Variants in INPP4B observed in about 807,000 individuals in gnomAD.
INPP4B encodes inositol polyphosphate 4-phosphatase type II.
INPP4B carries 55 observed loss-of-function variants against 122.5 expected under a neutral mutation model. The ratio of observed to expected loss-of-function variants is 0.45; its 90% CI spans 0.36 to 0.56. The LOEUF (loss-of-function observed/expected upper bound fraction) is 0.56. Among genes scored for constraint, INPP4B ranks in the 20% least tolerant of loss-of-function variants. The probability of loss-of-function intolerance (pLI) is 0.00; values close to 1 mark genes in which losing one functional copy is unlikely to be tolerated. For missense variants in INPP4B, 1,000 were observed against 1,097.7 expected (o/e 0.91, Z 1.26); for synonymous variants, 403 against 388.7 (o/e 1.04, Z -0.43).
chr4:142,449,699 A>C (rs369838735), intron 3 of INPP4B, among the ~76,000 whole-genome samples: 190 of 130,076 alleles, frequency 1.5e-3, no homozygotes, highest in African/African-American at 5.1e-3. Context: ...ACTCTGTCCC[A>C]AAAAAAAAAA....
chr4:142,151,876 G>A (rs1201711452), intron 17 of INPP4B, among the ~76,000 whole-genome samples: 2 of 152,002 alleles, frequency 1.3e-5, no homozygotes, highest in Non-Finnish European at 2.9e-5. Context: ...CCGGCTCAGC[G>A]CTGAACATCA....
intron 2 of INPP4B, among the ~76,000 whole-genome samples, chr4:142,631,059 C>A (rs971516162): frequency 1.3e-5 from 2 of 152,064 alleles, no homozygotes; most frequent in Non-Finnish European, 2.9e-5. Flanking sequence ...TACTATTTTA[C>A]CATATAATCC....
intron 23 of INPP4B, among the ~76,000 whole-genome samples, chr4:142,103,339 G>C (rs143483632): frequency 6.6e-6 from 1 of 151,700 alleles, no homozygotes; most frequent in Non-Finnish European, 1.5e-5. Flanking sequence ...TTTCTATGTG[G>C]ACTACATAGA....
At chr4:142,646,270 G>A (rs978868474) in intron 2 of INPP4B, among the ~76,000 whole-genome samples, 3 of 151,974 alleles carry the variant, frequency 2.0e-5, no homozygotes, top group Non-Finnish European at 4.4e-5. Flanking sequence ...ACAACTAACA[G>A]CCTAACACAG....
At chr4:142,320,565 G>C (rs1312653777) in intron 7 of INPP4B, among the ~76,000 whole-genome samples, 1 of 152,082 alleles carries the variant, frequency 6.6e-6, no homozygotes, top group African/African-American at 2.4e-5. Flanking sequence ...TAATTTCTTT[G>C]GTGGTGATTT....
intron 3 of INPP4B, among the ~76,000 whole-genome samples, chr4:142,458,527 G>A (rs1392019908): frequency 6.6e-6 from 1 of 151,894 alleles, no homozygotes; most frequent in East Asian, 1.9e-4. Context: ...ATATGGCCAG[G>A]AGAGTGGGAA....
intron 11 of INPP4B, among the ~76,000 whole-genome samples, chr4:142,254,557 G>C (rs1734569148): frequency 6.6e-6 from 1 of 152,216 alleles, no homozygotes; most frequent in South Asian, 2.1e-4. Context: ...TGTGAAGAAT[G>C]CAGAAGCCTC....
At chr4:142,122,688 C>T (rs1184542746) in intron 20 of INPP4B, among the ~76,000 whole-genome samples, 1 of 151,978 alleles carries the variant, frequency 6.6e-6, no homozygotes, top group African/African-American at 2.4e-5. Flanking sequence ...TCAGCACTCT[C>T]TAACAGAAAT....
chr4:142,658,080 G>A (rs1754484187), intron 2 of INPP4B, among the ~76,000 whole-genome samples: 1 of 152,182 alleles, frequency 6.6e-6, no homozygotes, highest in Admixed American at 6.5e-5. Context: ...CTAACGATAT[G>A]CTATCAATCA....
intron 2 of INPP4B, among the ~76,000 whole-genome samples, chr4:142,664,656 A>C (rs992083123): frequency 1.3e-5 from 2 of 152,136 alleles, no homozygotes; most frequent in Non-Finnish European, 2.9e-5. Flanking sequence ...AATTTTTTTT[A>C]ATTGAAAGGA....
At chr4:142,701,769 G>A (rs1440829129) in intron 2 of INPP4B, among the ~76,000 whole-genome samples, 1 of 152,128 alleles carries the variant, frequency 6.6e-6, no homozygotes, top group African/African-American at 2.4e-5. Flanking sequence ...ATCTGGTACT[G>A]TAGGTGATAA....
At chr4:142,382,312 C>T (rs1280395455) in intron 7 of INPP4B, among the ~76,000 whole-genome samples, 2 of 151,704 alleles carry the variant, frequency 1.3e-5, no homozygotes. Flanking sequence ...AGTTCATGAA[C>T]AGCCTGGCCA....
At chr4:142,521,687 A>G (rs904817629) in intron 2 of INPP4B, among the ~76,000 whole-genome samples, 3 of 152,082 alleles carry the variant, frequency 2.0e-5, no homozygotes, top group African/African-American at 4.8e-5. Context: ...CTTCTTGTCC[A>G]TGATTTTATA....
chr4:142,433,644 C>T (rs1809806648), intron 3 of INPP4B, among the ~76,000 whole-genome samples: 1 of 152,276 alleles, frequency 6.6e-6, no homozygotes, highest in African/African-American at 2.4e-5. Flanking sequence ...TAACAACACA[C>T]ATCGAAAAAT....
intron 11 of INPP4B, among the ~76,000 whole-genome samples, chr4:142,241,862 G>A (rs1859571435): frequency 6.6e-6 from 1 of 152,100 alleles, no homozygotes; most frequent in African/African-American, 2.4e-5. Context: ...TCGTTTATAT[G>A]TTTCTCCAGA....
At chr4:142,119,894 G>A (rs997725119) in intron 21 of INPP4B, among the ~76,000 whole-genome samples, 7 of 114,618 alleles carry the variant, frequency 6.1e-5, no homozygotes, top group African/African-American at 1.8e-4. Flanking sequence ...GTATATATAC[G>A]TGTGTATATA....
chr4:142,514,845 G>T (rs1825214663), intron 2 of INPP4B, among the ~76,000 whole-genome samples: 2 of 145,812 alleles, frequency 1.4e-5, no homozygotes, highest in Admixed American at 1.4e-4. Context: ...ACCCAGGCTG[G>T]AATGCAGTGG....
chr4:142,461,443 CT>C (rs1816714276), intron 3 of INPP4B, among the ~76,000 whole-genome samples: 1 of 152,230 alleles, frequency 6.6e-6, no homozygotes, highest in East Asian at 1.9e-4. Context: ...ATTTAGGAAG[CT>C]TTTGCTCCAG....
At chr4:142,442,054 C>A (rs369595017) in intron 3 of INPP4B, among the ~76,000 whole-genome samples, 1 of 151,796 alleles carries the variant, frequency 6.6e-6, no homozygotes, top group African/African-American at 2.4e-5. Flanking sequence ...AATAAAAAAG[C>A]ATATTTATGA....
Sources: gnomAD v4.1 joint callset for allele counts (sites outside exome capture counted in the v4.1 genomes callset) on GRCh38, gnomAD v4.1.1 for gene constraint, MANE v1.5 for transcripts, NCBI Gene and HGNC (gene_info 2026-07-23, HGNC 2026-07-21) for gene names.